The following FRMPD1 variants were observed in gnomAD, a reference collection of about 807,000 sequenced individuals.
FRMPD1 encodes FERM and PDZ domain-containing protein 1.
A neutral mutation model predicts 117.8 loss-of-function variants in FRMPD1; 76 were observed. The ratio of observed to expected loss-of-function variants is 0.65; its 90% CI spans 0.54 to 0.78. The LOEUF (loss-of-function observed/expected upper bound fraction) is 0.78, where lower values mean the gene tolerates loss of function less well. Ranked by LOEUF, FRMPD1 falls within the 30% of genes least tolerant of loss-of-function variation. FRMPD1 has a pLI of 0.00. For synonymous variants in FRMPD1, 783 were observed against 770.4 expected (o/e 1.02, Z -0.27); for missense variants, 1,786 against 1,964.5 (o/e 0.91, Z 1.72).
chr9:37,660,244 A>G (rs1001949508), intron 1 of FRMPD1, among the ~76,000 whole-genome samples: 4 of 152,272 alleles, frequency 2.6e-5, no homozygotes, highest in African/African-American at 9.6e-5. Flanking sequence ...AGTGCTGGGC[A>G]GGGTGCTGTG....
chr9:37,728,418 C>T (rs1054179076), intron 7 of FRMPD1, among the ~76,000 whole-genome samples: 7 of 151,980 alleles, frequency 4.6e-5, no homozygotes, highest in East Asian at 1.9e-4. Context: ...GACTGAAACT[C>T]GAAGGAAGAG....
chr9:37,724,198 A>G (rs10814609), intron 6 of FRMPD1, 27 bp from the exon 7 acceptor site: 487,829 of 1,189,096 alleles, frequency 0.41, 101,254 homozygotes, highest in Admixed American at 0.46. Flanking sequence ...AAAGACAGGG[A>G]TACAACAATA....
At chr9:37,606,814 G>A in the FRMPD1 span, among the ~76,000 whole-genome samples, 1 of 147,080 alleles carries the variant, frequency 6.8e-6, no homozygotes, top group Admixed American at 7.0e-5. Context: ...AGAGTTCTGG[G>A]ACACACAGCC....
At position 37,746,681 on chromosome 9, in the gene FRMPD1, G is replaced by A. The variant is rs368719172; in HGVS notation, c.4649G>A (p.Ser1550Asn). 62 of 1,614,004 alleles carry A rather than the reference G, an allele frequency of 3.8e-5. No individual in the cohort carries two copies. In the African/African-American group the frequency reaches 7.3e-4, roughly 19 times the overall value. The change falls in exon 16 of 16, where the codon AGT (serine) becomes AAT (asparagine). Residue 1550 changes from serine to asparagine, a missense_variant. Transcript: ENST00000377765. ...STCERGYHDLSVKLLARQCTA... is the reference protein window; with the variant it reads ...STCERGYHDLNVKLLARQCTA... ...TGCGAGAGAGGCTACCACGACCTGA[G>A]TGTGAAACTCCTGGCCCGTCAGTGC...
chr9:37,743,519 GCTT>G (rs1824521309), intron 15 of FRMPD1, among the ~76,000 whole-genome samples: 1 of 63,758 alleles, frequency 1.6e-5, no homozygotes, highest in South Asian at 6.5e-4. Flanking sequence ...GAATGGCTCT[GCTT>G]TTTTTTTTTT....
At chr9:37,728,268 C>A (rs1264222330) in intron 7 of FRMPD1, among the ~76,000 whole-genome samples, 1 of 152,086 alleles carries the variant, frequency 6.6e-6, no homozygotes, top group Non-Finnish European at 1.5e-5. Flanking sequence ...GAACCCATTC[C>A]CTTAACTTTA....
chr9:37,746,165 T>G lies in FRMPD1; in HGVS notation c.4133T>G (p.Leu1378Arg). The change falls in exon 16 of 16, where the codon CTG becomes CGG. Residue 1378 changes from leucine to arginine, a missense_variant. Physicochemically the swap from Leu to Arg is moderately radical, Grantham distance 102. Coordinates refer to ENST00000377765, the MANE Select transcript of FRMPD1 (RefSeq NM_014907.3). ...SPPSAGSPVV[L>R]PWRPARAHSC... ...CCCTCTGCGGGAAGCCCGGTGGTTC[T>G]GCCCTGGAGGCCTGCCCGAGCCCAC... 1 of 1,613,768 alleles carries G rather than the reference T, an allele frequency of 6.2e-7. No homozygotes were observed. Among genetic ancestry groups the G allele is most frequent in the Non-Finnish European group, 8.5e-7 (1 of 1,179,978 alleles).
At chr9:37,633,024 T>TAA in the FRMPD1 span, among the ~76,000 whole-genome samples, 13 of 17,812 alleles carry the variant, frequency 7.3e-4, 3 homozygotes, top group Admixed American at 1.1e-3. Flanking sequence ...ATATTATATA[T>TAA]ATATATATTT....
At chr9:37,634,749 A>T in the FRMPD1 span, among the ~76,000 whole-genome samples, 3 of 149,122 alleles carry the variant, frequency 2.0e-5, no homozygotes, top group African/African-American at 5.0e-5. Flanking sequence ...AATTTTGGAG[A>T]TTTTTTTTCT....
chr9:37,651,396 T>G (rs1352830057), intron 1 of FRMPD1, among the ~76,000 whole-genome samples: 1 of 152,156 alleles, frequency 6.6e-6, no homozygotes, highest in Non-Finnish European at 1.5e-5. Context: ...TGGGTTCAGG[T>G]GCGGCCGCGG....
chr9:37,719,109 C>A lies in FRMPD1; in HGVS notation c.449C>A (p.Ala150Asp). 2 of 1,613,316 alleles carry A rather than the reference C, an allele frequency of 1.2e-6. No homozygotes were observed. Among genetic ancestry groups the A allele is most frequent in the Non-Finnish European group, 1.7e-6 (2 of 1,179,258 alleles). ...KSSFLTEEKR[A>D]RLKTNPVKVH... ...TCCTTCCTGACCGAGGAGAAGAGAG[C>A]CAGACTGAAGACCAACCCCGTGAAG... Residue 150 changes from alanine to aspartate, a missense_variant, in exon 6 of 16, where the codon GCC (alanine) becomes GAC (aspartate). Physicochemically the swap from Ala to Asp is moderately radical, Grantham distance 126 (BLOSUM62 -2). Transcript: ENST00000377765.
At position 37,745,524 on chromosome 9, in the gene FRMPD1, T is replaced by C. The variant is rs1187915532; in HGVS notation, c.3492T>C (p.Asp1164=). 2 of 1,614,144 alleles carry C rather than the reference T, an allele frequency of 1.2e-6. No individual in the cohort carries two copies. The highest frequency in any genetic ancestry group is 3.3e-5 in the Admixed American group (2 of 60,010). Residue 1164 remains aspartate, a synonymous_variant, in exon 16 of 16, where the codon GAT becomes GAC. Transcript: ENST00000377765. ...AAATAGTAACCTCCCTTTCTTTAGA[T>C]GCTCCTGTAACAGGGACCGAGCAGA... ...AGKIVTSLSL[D]APVTGTEQIP... is the part of the protein sequence containing the mutation.
At chr9:37,630,175 A>T in the FRMPD1 span, among the ~76,000 whole-genome samples, 1 of 151,978 alleles carries the variant, frequency 6.6e-6, no homozygotes, top group African/African-American at 2.4e-5. Context: ...TTTTGGGGGG[A>T]CACAATCATT....
At chr9:37,637,439 T>G in the FRMPD1 span, 5 of 614,634 alleles carry the variant, frequency 8.1e-6, no homozygotes, top group Non-Finnish European at 1.5e-5. Context: ...TATACAGTTC[T>G]GTGAGTTTTG....
At chr9:37,616,114 G>GA in the FRMPD1 span, among the ~76,000 whole-genome samples, 1 of 116,386 alleles carries the variant, frequency 8.6e-6, no homozygotes. Context: ...ACTGTGCCCA[G>GA]CCCTTTTTTT....
intron 1 of FRMPD1, among the ~76,000 whole-genome samples, chr9:37,663,696 T>C (rs908314667): frequency 6.6e-5 from 10 of 152,164 alleles, no homozygotes; most frequent in Non-Finnish European, 1.3e-4. Context: ...CAGTATCCCA[T>C]AGGGGATTGG....
At chr9:37,612,356 T>G in the FRMPD1 span, among the ~76,000 whole-genome samples, 2 of 107,486 alleles carry the variant, frequency 1.9e-5, no homozygotes, top group African/African-American at 9.1e-5. Flanking sequence ...TTTGTTTTTG[T>G]TTTTGTTTTT....
intron 1 of FRMPD1, among the ~76,000 whole-genome samples, chr9:37,682,853 TA>T (rs1196449281): frequency 6.6e-6 from 1 of 152,196 alleles, no homozygotes; most frequent in African/African-American, 2.4e-5. Context: ...GCACCAGAAA[TA>T]AACATTTTTT....
chr9:37,738,631 G>A (rs752834180), intron 14 of FRMPD1, among the ~76,000 whole-genome samples: 45 of 152,224 alleles, frequency 3.0e-4, no homozygotes, highest in Non-Finnish European at 4.6e-4. Flanking sequence ...GAGCCACGGC[G>A]CCCAGCCTGT....
Sources: gnomAD v4.1 joint callset for allele counts (sites outside exome capture counted in the v4.1 genomes callset) on GRCh38, gnomAD v4.1.1 for gene constraint, MANE v1.5 for transcripts, NCBI Gene and HGNC (gene_info 2026-07-23, HGNC 2026-07-21) for gene names.